Variants in ERO1B observed in about 807,000 individuals in gnomAD.
The protein encoded by ERO1B is endoplasmic reticulum oxidoreductase 1 beta.
Under a neutral mutation model 75.3 loss-of-function variants are expected in ERO1B, and 49 were observed. That is an observed-to-expected ratio of 0.65 (90% CI 0.52 to 0.83). The LOEUF is 0.83. Among genes scored for constraint, ERO1B ranks in the 40% least tolerant of loss-of-function variants. ERO1B has a pLI of 0.00. For missense variants in ERO1B, 512 were observed against 560.1 expected (o/e 0.91, Z 0.87); for synonymous variants, 191 against 192.9 (o/e 0.99, Z 0.08).
chr1:236,232,636 C>CTTTT (rs3835673), intron 9 of ERO1B, among the ~76,000 whole-genome samples, 192 bp downstream of exon 9: 19 of 145,556 alleles, frequency 1.3e-4, no homozygotes, highest in African/African-American at 4.3e-4. Flanking sequence ...GAAAAATGGT[C>CTTTT]TTTTTTTTTT....
At chr1:236,249,273 A>C (rs1664958628) in intron 5 of ERO1B, among the ~76,000 whole-genome samples, 1 of 152,122 alleles carries the variant, frequency 6.6e-6, no homozygotes, top group Non-Finnish European at 1.5e-5. Flanking sequence ...TGATCTGCCC[A>C]CTTCAGCCTC....
chr1:236,226,343 G>C lies in ERO1B; in HGVS notation c.978C>G (p.Val326=), dbSNP rs777497495. 1.2e-6 allele frequency: 2 copies of C among 1,613,908 alleles called. No individual in the cohort carries two copies. The highest frequency in any genetic ancestry group is 1.7e-5 in the Admixed American group (1 of 59,992). The change falls in exon 12 of 16, where the codon GTC becomes GTG. Residue 326 remains valine, a synonymous_variant. Coordinates refer to ENST00000354619, the MANE Select transcript of ERO1B (RefSeq NM_019891.4). ...KVAPYFERSI[V]DLYTGNAEED... ...CTTCTGCATTTCCAGTGTAAAGATC[G>C]ACAATTGAGCGCTCAAAATATGGAG...
intron 1 of ERO1B, among the ~76,000 whole-genome samples, chr1:236,270,951 T>C (rs1222220064): frequency 6.6e-6 from 1 of 152,164 alleles, no homozygotes; most frequent in African/African-American, 2.4e-5. Context: ...AACTGTTCAG[T>C]ATTTTGACTG....
chr1:236,236,449 A>C lies in ERO1B; in HGVS notation c.506-51T>G, dbSNP rs761302424. On this transcript the variant is annotated intron_variant, in intron 6 of 15. Transcript: ENST00000354619. ...CCATCCATATTTCACCATTTATCTA[A>C]GATTTAACAGTACAAAGCAAACCGG... is the stretch of plus-strand genomic sequence containing the variant. 5 of 1,600,518 alleles carry C rather than the reference A, an allele frequency of 3.1e-6. No individual in the cohort carries two copies. In the East Asian group the frequency reaches 1.1e-4, roughly 36 times the overall value.
At chr1:236,245,339 T>TACAC (rs1664826074) in intron 5 of ERO1B, among the ~76,000 whole-genome samples, 1 of 30,464 alleles carries the variant, frequency 3.3e-5, no homozygotes, top group African/African-American at 6.0e-5. Context: ...CGTATATATA[T>TACAC]ACGTATATAT....
intron 9 of ERO1B, among the ~76,000 whole-genome samples, chr1:236,230,515 G>C (rs571446401): frequency 1.3e-5 from 2 of 150,772 alleles, no homozygotes; most frequent in East Asian, 2.0e-4. Context: ...GGGAGGATGA[G>C]GCAGGAGAAT....
At chr1:236,258,149 C>A (rs116345503) in intron 2 of ERO1B, among the ~76,000 whole-genome samples, 88 of 96,506 alleles carry the variant, frequency 9.1e-4, no homozygotes, top group East Asian at 2.0e-3. Flanking sequence ...AAAAACAAAG[C>A]AAAAAAAAAA....
intron 2 of ERO1B, among the ~76,000 whole-genome samples, chr1:236,256,350 T>C (rs1195421137): frequency 6.6e-6 from 1 of 152,052 alleles, no homozygotes; most frequent in African/African-American, 2.4e-5. Context: ...GCAAGGTGCA[T>C]GTGAGACTTC....
At position 236,231,034 on chromosome 1, in the gene ERO1B, T is replaced by C. The variant is rs138701945; in HGVS notation, c.686-784A>G. 4.7e-3 allele frequency among the ~76,000 whole-genome samples: 714 copies of C among 152,298 alleles called. 3 individuals carry two copies. Among genetic ancestry groups the C allele is most frequent in the African/African-American group, 0.016 (671 of 41,570 alleles). On this transcript the variant is annotated intron_variant, in intron 9 of 15. Transcript: ENST00000354619. ...TCAAATTTGCTTTTCATAACAACCA[T>C]AGTGCTTTTTAAATATTCCAAGAAA...
chr1:236,251,429 T>G, intron 4 of ERO1B: 1 of 931,458 alleles, frequency 1.1e-6, no homozygotes, highest in Non-Finnish European at 1.3e-6. Context: ...ATTTCAGATC[T>G]GAAGCAAAAA....
At chr1:236,245,578 ATATT>A (rs1278391721) in intron 5 of ERO1B, among the ~76,000 whole-genome samples, 1 of 2,952 alleles carries the variant, frequency 3.4e-4, no homozygotes, top group African/African-American at 5.9e-4. Flanking sequence ...ATATATATAT[ATATT>A]TTTTTTTTTT....
chr1:236,235,904 T>C (rs1047768016), intron 7 of ERO1B, 69 bp from the exon 8 acceptor site: 1 of 1,346,960 alleles, frequency 7.4e-7, no homozygotes, highest in Non-Finnish European at 1.0e-6. Flanking sequence ...TTTATTCCAA[T>C]AGAAACAAAT....
intron 13 of ERO1B, among the ~76,000 whole-genome samples, chr1:236,223,310 G>T (rs761192446): frequency 2.6e-5 from 4 of 151,980 alleles, no homozygotes; most frequent in South Asian, 2.1e-4. Flanking sequence ...CTTTATCTGC[G>T]GATAAGATTG....
rs753005026 is a variant in ERO1B at position 236,220,902 on chromosome 1, C to G, written c.1273G>C (p.Glu425Gln). The change falls in exon 15 of 16, where the codon GAG (glutamate) becomes CAG (glutamine). Residue 425 changes from glutamate to glutamine, a missense_variant. Glu to Gln is a conservative substitution (Grantham distance 29, BLOSUM62 2). Coordinates refer to ENST00000354619, the MANE Select transcript of ERO1B (RefSeq NM_019891.4). The part of the protein sequence containing the change: ...FSEKEIQKLP[E>Q]NSPSKGFQLT... ...TGGAAGCCTTTAGATGGACTATTCT[C>G]TGGAAGCTTTTGGATTTCTTTTTCA... is the stretch of plus-strand genomic sequence containing the variant. 1 of 1,604,186 alleles carries G rather than the reference C, an allele frequency of 6.2e-7. No individual in the cohort carries two copies. Among genetic ancestry groups the G allele is most frequent in the African/African-American group, 1.3e-5 (1 of 74,654 alleles).
At chr1:236,235,676 A>C (rs1194897776) in intron 8 of ERO1B, 113 bp downstream of exon 8, 10 of 910,286 alleles carry the variant, frequency 1.1e-5, no homozygotes, top group Non-Finnish European at 1.7e-5. Flanking sequence ...CTTTTTGTTC[A>C]TCATTCAAAT....
At chr1:236,250,095 C>T in intron 4 of ERO1B, 128 bp from the exon 5 acceptor site, 1 of 491,186 alleles carries the variant, frequency 2.0e-6, no homozygotes, top group Non-Finnish European at 3.4e-6. Context: ...TATAAAAATC[C>T]CTATCATATG....
At position 236,218,370 on chromosome 1, in the gene ERO1B, C is replaced by T. The variant is rs1351120519; in HGVS notation, c.*146G>A. On this transcript the variant is annotated 3_prime_UTR_variant, in exon 16 of 16. Transcript: ENST00000354619. ...TAGTTGATAATAATCTATTAAGAAT[C>T]ATAAATATTCAAGTGAGCATTTAAA... is the stretch of plus-strand genomic sequence containing the variant. The T allele has an allele frequency of 6.7e-6, 4 of 593,260 alleles. No homozygotes were observed. In the Admixed American group the frequency reaches 1.5e-4, roughly 23 times the overall value. The allele number at this position is 593,260 out of a possible 1,614,324, so 36.7% of individuals were successfully genotyped here.
Position 236,253,522 on chromosome 1 carries a change from A to C in ERO1B, c.223-17T>G. 2 of 1,551,662 alleles carry C rather than the reference A, an allele frequency of 1.3e-6. No homozygotes were observed. The highest frequency in any genetic ancestry group is 1.8e-6 in the Non-Finnish European group (2 of 1,128,364). Reference sequence around the variant, plus strand: ...CAGATTAACCTTGAAAGAAAGAACAAAGTTAGTAAACTCATATTATAGTTA... The same window carrying C: ...CAGATTAACCTTGAAAGAAAGAACACAGTTAGTAAACTCATATTATAGTTA... On this transcript the variant is annotated splice_polypyrimidine_tract_variant and intron_variant, in intron 2 of 15. Coordinates refer to ENST00000354619, the MANE Select transcript of ERO1B (RefSeq NM_019891.4).
At chr1:236,254,566 C>T (rs1665115135) in intron 2 of ERO1B, among the ~76,000 whole-genome samples, 1 of 152,194 alleles carries the variant, frequency 6.6e-6, no homozygotes, top group Non-Finnish European at 1.5e-5. Flanking sequence ...TCTGGCCACA[C>T]TGGCCTTGCT....
Sources: gnomAD v4.1 joint callset for allele counts (sites outside exome capture counted in the v4.1 genomes callset) on GRCh38, gnomAD v4.1.1 for gene constraint, MANE v1.5 for transcripts, NCBI Gene and HGNC (gene_info 2026-07-23, HGNC 2026-07-21) for gene names.